The following BICC1 variants were observed in gnomAD, a reference collection of about 807,000 sequenced individuals.
BICC1 encodes the protein protein bicaudal C homolog 1.
In BICC1, 43 loss-of-function variants were observed where a neutral mutation model predicts 111.0. That is an observed-to-expected ratio of 0.39 (90% CI 0.30 to 0.50). BICC1 has a LOEUF of 0.50. BICC1 is among the 20% of genes least tolerant of loss of function. The pLI is 0.88. For synonymous variants in BICC1, 467 were observed against 434.4 expected (o/e 1.07, Z -0.93); for missense variants, 1,091 against 1,203.2 (o/e 0.91, Z 1.38).
Position 58,781,195 on chromosome 10 carries a change from T to G in BICC1, c.308-3806T>G, listed in dbSNP as rs1040980079. On this transcript the variant is annotated intron_variant, in intron 3 of 20. Transcript: ENST00000373886. Reference sequence around the variant, plus strand: ...ATATCTGACAGTTTTTTTGTATTTTTAAAGAGGTGCTAAGATCAGAATATT... The same window carrying G: ...ATATCTGACAGTTTTTTTGTATTTTGAAAGAGGTGCTAAGATCAGAATATT... 2.0e-5 allele frequency among the ~76,000 whole-genome samples: 3 copies of G among 152,330 alleles called. No individual in the cohort carries two copies. In the South Asian group the frequency reaches 6.2e-4, roughly 32 times the overall value.
intron 2 of BICC1, among the ~76,000 whole-genome samples, chr10:58,682,256 C>T (rs1454617850): frequency 6.6e-6 from 1 of 152,080 alleles, no homozygotes; most frequent in African/African-American, 2.4e-5. Flanking sequence ...TTTTCTTAAT[C>T]CAGTCTATCA....
chr10:58,625,564 T>C (rs186234180), intron 2 of BICC1, among the ~76,000 whole-genome samples: 2 of 152,340 alleles, frequency 1.3e-5, no homozygotes, highest in Admixed American at 1.3e-4. Flanking sequence ...ATTGGATGTT[T>C]ATTTGGAAAA....
chr10:58,704,724 T>C (rs1840339588), intron 3 of BICC1, among the ~76,000 whole-genome samples: 1 of 152,188 alleles, frequency 6.6e-6, no homozygotes, highest in Admixed American at 6.5e-5. Flanking sequence ...TGGATGATTA[T>C]TACATTCTAA....
intron 3 of BICC1, among the ~76,000 whole-genome samples, chr10:58,756,995 T>A (rs12220368): frequency 1.3e-5 from 2 of 152,186 alleles, no homozygotes; most frequent in African/African-American, 2.4e-5. Flanking sequence ...CTAACATTTT[T>A]AAAAATTCAA....
rs1844544170 is a variant in BICC1 at position 58,831,281 on chromosome 10, T to A, written c.*2390T>A. ...TGGTTATCTGTAAATATAGAACAGATACAGATTGTATTTTTCTGTGGGTTT... is the reference window on the plus strand; with the variant it reads ...TGGTTATCTGTAAATATAGAACAGAAACAGATTGTATTTTTCTGTGGGTTT... On this transcript the variant is annotated 3_prime_UTR_variant, in exon 21 of 21. Coordinates refer to ENST00000373886, the MANE Select transcript of BICC1 (RefSeq NM_001080512.3). 6.6e-6 allele frequency: 1 copy of A among 152,208 alleles called. No homozygotes were observed. Among genetic ancestry groups the A allele is most frequent in the Admixed American group, 6.5e-5 (1 of 15,272 alleles). 9.4% of individuals were successfully genotyped at this position (152,208 alleles called of 1,614,324 possible).
rs560913793 is a variant in BICC1, at chr10:58,698,407, A to G, written c.238-3667A>G. Among the ~76,000 whole-genome samples, 4 of 152,140 alleles carry G rather than the reference A, an allele frequency of 2.6e-5. No homozygotes were observed. In the South Asian group the frequency reaches 8.3e-4, roughly 32 times the overall value. ...CATGCCCTCCTCCTCTGCCTGGGACACATTCTTCACCTTTTCTCCAGTGAG... is the reference window on the plus strand; with the variant it reads ...CATGCCCTCCTCCTCTGCCTGGGACGCATTCTTCACCTTTTCTCCAGTGAG... On this transcript the variant is annotated intron_variant, in intron 2 of 20. Coordinates refer to ENST00000373886, the MANE Select transcript of BICC1 (RefSeq NM_001080512.3).
chr10:58,560,446 T>G (rs536429874), intron 1 of BICC1, among the ~76,000 whole-genome samples: 2 of 149,500 alleles, frequency 1.3e-5, no homozygotes, highest in East Asian at 1.9e-4. Flanking sequence ...TCGGGTATTC[T>G]CTCTTTCTCC....
chr10:58,661,651 T>C (rs1642547907), intron 2 of BICC1, among the ~76,000 whole-genome samples: 1 of 152,190 alleles, frequency 6.6e-6, no homozygotes, highest in African/African-American at 2.4e-5. Flanking sequence ...TTGTGCTCAT[T>C]TGTTGGCACA....
Position 58,829,954 on chromosome 10 carries a change from A to G in BICC1, c.*1063A>G, listed in dbSNP as rs1018793670. 6.6e-6 allele frequency: 1 copy of G among 152,186 alleles called. No homozygotes were observed. The highest frequency in any genetic ancestry group is 1.5e-5 in the Non-Finnish European group (1 of 68,038). The allele number at this position is 152,186 out of a possible 1,614,324, so 9.4% of individuals were successfully genotyped here. A position where few individuals can be genotyped will look rare whatever the true frequency, so the allele number is the denominator to read the frequency against. ...TTAAAAAGACAAATAATCATCTGAC[A>G]AGACAGCACTGTTGCCATTATAAGG... On this transcript the variant is annotated 3_prime_UTR_variant, in exon 21 of 21. Transcript: ENST00000373886.
chr10:58,708,624 G>A (rs768312408), intron 3 of BICC1, among the ~76,000 whole-genome samples: 3 of 152,204 alleles, frequency 2.0e-5, no homozygotes, highest in Non-Finnish European at 2.9e-5. Context: ...GGTTGGACCA[G>A]GTGTGATGTT....
At chr10:58,741,714 A>G (rs746005898) in intron 3 of BICC1, among the ~76,000 whole-genome samples, 5 of 152,184 alleles carry the variant, frequency 3.3e-5, no homozygotes, top group African/African-American at 7.2e-5. Context: ...TTGTGTACCT[A>G]GTAAGAATCC....
chr10:58,587,758 G>T (rs570126194), intron 1 of BICC1, among the ~76,000 whole-genome samples: 17 of 152,204 alleles, frequency 1.1e-4, no homozygotes, highest in Admixed American at 3.9e-4. Flanking sequence ...GTATAAATAG[G>T]GTTTGGCTGG....
At chr10:58,593,680 G>C (rs1423028933) in intron 1 of BICC1, among the ~76,000 whole-genome samples, 1 of 152,018 alleles carries the variant, frequency 6.6e-6, no homozygotes, top group Non-Finnish European at 1.5e-5. Context: ...CTAACAAACG[G>C]AAAGAAATAG....
intron 3 of BICC1, among the ~76,000 whole-genome samples, chr10:58,779,648 T>G (rs1416541095): frequency 8.5e-6 from 1 of 117,884 alleles, no homozygotes; most frequent in Non-Finnish European, 1.9e-5. Flanking sequence ...AAACTATACT[T>G]GAGTGATTCA....
chr10:58,820,450 A>C lies in BICC1; in HGVS notation c.2776A>C (p.Met926Leu). The change falls in exon 20 of 21, where the codon ATG becomes CTG. Residue 926 changes from methionine (M) to leucine (L), a missense_variant. Transcript: ENST00000373886. Reference protein sequence around the residue: ...GITTFGARRKMLLAISELNKN... With the variant: ...GITTFGARRKLLLAISELNKN... ...AACTACTTTTGGTGCCAGGAGGAAA[A>C]TGCTGCTTGCAATTTCAGGTGAATA... 1 of 1,608,388 alleles carries C rather than the reference A, an allele frequency of 6.2e-7. No homozygotes were observed. Among genetic ancestry groups the C allele is most frequent in the Non-Finnish European group, 8.5e-7 (1 of 1,175,250 alleles).
chr10:58,708,002 A>ATTTT (rs71467049), intron 3 of BICC1, among the ~76,000 whole-genome samples: 1,363 of 108,324 alleles, frequency 0.013, 248 homozygotes, highest in Admixed American at 0.018. Flanking sequence ...TAGCCAGCTA[A>ATTTT]TTTTTTTTTT....
intron 1 of BICC1, among the ~76,000 whole-genome samples, chr10:58,525,839 T>A (rs1296821279): frequency 6.6e-6 from 1 of 152,086 alleles, no homozygotes; most frequent in African/African-American, 2.4e-5. Flanking sequence ...GCTGGTATAG[T>A]ATTTACTGCT....
intron 2 of BICC1, among the ~76,000 whole-genome samples, chr10:58,669,518 C>G (rs1839117369): frequency 6.6e-6 from 1 of 151,876 alleles, no homozygotes; most frequent in African/African-American, 2.4e-5. Context: ...CTAATTTTTG[C>G]AAAGAAAGAC....
intron 3 of BICC1, among the ~76,000 whole-genome samples, chr10:58,763,350 C>G (rs1439510369): frequency 6.6e-6 from 1 of 152,126 alleles, no homozygotes; most frequent in Non-Finnish European, 1.5e-5. Context: ...GATTTTAAAA[C>G]TGTGAGAGTA....
Sources: allele counts gnomAD v4.1 joint callset (sites outside exome capture counted in the v4.1 genomes callset), GRCh38; gene constraint gnomAD v4.1.1; transcripts MANE v1.5; gene names NCBI Gene and HGNC (gene_info 2026-07-23, HGNC 2026-07-21).